The following DDX18 variants were observed in gnomAD, a reference collection of about 807,000 sequenced individuals.
DDX18 encodes the protein ATP-dependent RNA helicase DDX18.
A neutral mutation model predicts 73.5 loss-of-function variants in DDX18; 23 were observed. The observed-to-expected ratio is 0.31, with a 90% CI of 0.23 to 0.44. The LOEUF is 0.44. DDX18 is among the 20% of genes least tolerant of loss of function. DDX18 has a pLI of 1.00. For synonymous variants in DDX18, 268 were observed against 282.7 expected (o/e 0.95, Z 0.52); for missense variants, 753 against 792.9 (o/e 0.95, Z 0.60).
intron 7 of DDX18, chr2:117,822,482 T>A (rs1679862654): frequency 2.3e-6 from 1 of 442,684 alleles, no homozygotes. Context: ...CGTTAAGCAG[T>A]CTTCACATAG....
chr2:117,830,101 A>G (rs756611052), intron 13 of DDX18, among the ~76,000 whole-genome samples: 5 of 152,178 alleles, frequency 3.3e-5, no homozygotes, highest in African/African-American at 1.2e-4. Context: ...TAGAGGACCA[A>G]ATTTTGGGTC....
At position 117,821,206 on chromosome 2, in the gene DDX18, A is replaced by T; in HGVS notation, c.560A>T (p.Asn187Ile). ...TSFASLCNLVNENTLKAIKEM... is the reference protein window; with the variant it reads ...TSFASLCNLVIENTLKAIKEM... ...TTTGCTTCTCTATGTAATCTTGTCA[A>T]TGAAAACACTCTGAAGGCAATAAAA... The change falls in exon 4 of 14, where the codon AAT becomes ATT. Residue 187 changes from asparagine to isoleucine, a missense_variant. By Grantham distance (149) the Asn-to-Ile change is moderately radical (BLOSUM62 -3). Coordinates refer to ENST00000263239, the MANE Select transcript of DDX18 (RefSeq NM_006773.4). 1 of 1,609,328 alleles carries T rather than the reference A, an allele frequency of 6.2e-7. No homozygotes were observed. The highest frequency in any genetic ancestry group is 1.3e-5 in the African/African-American group (1 of 74,916).
At chr2:117,818,933 T>C (rs1450103903) in intron 2 of DDX18, among the ~76,000 whole-genome samples, 1 of 152,216 alleles carries the variant, frequency 6.6e-6, no homozygotes, top group Non-Finnish European at 1.5e-5. Context: ...GTTGACTCTT[T>C]CCTGGAAGGG....
chr2:117,817,825 T>C (rs1193298871), intron 2 of DDX18, 97 bp downstream of exon 2: 1 of 1,250,774 alleles, frequency 8.0e-7, no homozygotes, highest in Non-Finnish European at 1.1e-6. Context: ...GACATGAGAA[T>C]TCCCTGTACT....
At chr2:117,820,995 G>A (rs1654143737) in intron 3 of DDX18, among the ~76,000 whole-genome samples, 166 bp from the exon 4 acceptor site, 1 of 152,100 alleles carries the variant, frequency 6.6e-6, no homozygotes, top group Non-Finnish European at 1.5e-5. Flanking sequence ...GGAGAAACTT[G>A]AAAGATATAG....
At chr2:117,829,525 G>T in intron 13 of DDX18, 59 bp downstream of exon 13, 1 of 1,505,264 alleles carries the variant, frequency 6.6e-7, no homozygotes, top group East Asian at 2.3e-5. Context: ...TGACAGAGGG[G>T]CATTTGGGGC....
intron 7 of DDX18, chr2:117,824,287 G>A (rs2104623807): frequency 4.3e-6 from 1 of 234,006 alleles, no homozygotes; most frequent in East Asian, 8.1e-5. Flanking sequence ...TTACATGAAG[G>A]TTATAACTAA....
intron 1 of DDX18, chr2:117,815,100 C>A: frequency 1.8e-6 from 1 of 556,148 alleles, no homozygotes; most frequent in Non-Finnish European, 3.2e-6. Context: ...AACGTTAGAG[C>A]GGGAGGACTC....
chr2:117,818,283 A>T (rs935535068), intron 2 of DDX18, among the ~76,000 whole-genome samples: 2 of 152,152 alleles, frequency 1.3e-5, no homozygotes, highest in Admixed American at 6.5e-5. Flanking sequence ...GGGTCAGCAA[A>T]CTATCCCTCC....
intron 10 of DDX18, chr2:117,825,926 T>C: frequency 2.5e-6 from 1 of 392,524 alleles, no homozygotes. Context: ...AGAATAAGCT[T>C]CATTGAGAAG....
rs1477163721 is a variant in DDX18, at chr2:117,814,901, G to C, written c.85+39G>C. 6.8e-6 allele frequency: 11 copies of C among 1,609,930 alleles called. No individual in the cohort carries two copies. In the South Asian group the frequency reaches 1.2e-4, roughly 18 times the overall value. ...ACTCGCGGTGGCTCAGAAGACCCAC[G>C]CGCGAGCCCTGGCGCGTTCGGGCGG... is the stretch of plus-strand genomic sequence containing the variant. On this transcript the variant is annotated intron_variant, in intron 1 of 13. Coordinates refer to ENST00000263239, the MANE Select transcript of DDX18 (RefSeq NM_006773.4).
chr2:117,818,490 G>A (rs375321765), intron 2 of DDX18, among the ~76,000 whole-genome samples: 1 of 152,202 alleles, frequency 6.6e-6, no homozygotes, highest in East Asian at 1.9e-4. Context: ...ATTTAGAAAG[G>A]GACTTTGAAC....
intron 1 of DDX18, among the ~76,000 whole-genome samples, chr2:117,817,066 C>G (rs750895708): frequency 2.6e-5 from 4 of 152,134 alleles, no homozygotes; most frequent in Non-Finnish European, 5.9e-5. Context: ...TTGTAAATGT[C>G]TTTTTCAATA....
chr2:117,817,903 T>C (rs1679786184), intron 2 of DDX18, among the ~76,000 whole-genome samples, 175 bp downstream of exon 2: 1 of 152,176 alleles, frequency 6.6e-6, no homozygotes, highest in African/African-American at 2.4e-5. Flanking sequence ...GGGGAGTCCA[T>C]TTCAACTTTT....
chr2:117,821,819 TG>T, intron 5 of DDX18, 42 bp from the exon 6 acceptor site: 1 of 1,612,790 alleles, frequency 6.2e-7, no homozygotes, highest in Non-Finnish European at 8.5e-7. Context: ...ACGGACTCAG[TG>T]GTGACAGCCA....
At position 117,829,457 on chromosome 2, in the gene DDX18, G is replaced by C. The variant is rs372688689; in HGVS notation, c.1861G>C (p.Val621Leu). ...ATTTGGTTTCAAGGTGCCTCCCTTC[G>C]TTGATCTGAGTATCCTTTTCTTTAA... The part of the protein sequence containing the change: ...LSFGFKVPPF[V>L]DLNVNSNEGK... The change falls in exon 13 of 14, where the codon GTT (valine) becomes CTT (leucine). Residue 621 changes from valine (V) to leucine (L), a missense_variant. By Grantham distance (32) the Val-to-Leu change is conservative (BLOSUM62 1). Coordinates refer to ENST00000263239, the MANE Select transcript of DDX18 (RefSeq NM_006773.4). 1.3e-5 allele frequency: 21 copies of C among 1,608,186 alleles called. No homozygotes were observed. The highest frequency in any genetic ancestry group is 3.3e-4 in the Middle Eastern group (2 of 6,042).
In DDX18 at chr2:117,824,153, G is replaced by A. The variant is rs565889939; in HGVS notation, c.1067-416G>A. Among the ~76,000 whole-genome samples, 39 of 152,250 alleles carry A rather than the reference G, an allele frequency of 2.6e-4. No individual in the cohort carries two copies. In the South Asian group the frequency reaches 4.4e-3, roughly 17 times the overall value. ...TTTGTATAGTGTAATGACTGACTTC[G>A]AAGAATGAGTTGACATGTAAGCCCT... On this transcript the variant is annotated intron_variant, in intron 7 of 13. Transcript: ENST00000263239.
At chr2:117,816,407 TTTTTA>T (rs148518934) in intron 1 of DDX18, among the ~76,000 whole-genome samples, 11,130 of 152,184 alleles carry the variant, frequency 0.073, 503 homozygotes, top group Admixed American at 0.11. Flanking sequence ...TTCTATGTGA[TTTTTA>T]TTTTATTTTT....
rs1287940146 is a variant in DDX18 at position 117,824,949 on chromosome 2, G to T, written c.1216G>T (p.Val406Phe). 1.2e-6 allele frequency: 2 copies of T among 1,609,486 alleles called. No homozygotes were observed. The highest frequency in any genetic ancestry group is 2.2e-5 in the East Asian group (1 of 44,852). ...TVDGLEQGYV[V>F]CPSEKRFLLL... is the part of the protein sequence containing the mutation. ...CTTAAACGCTTTCTAGGGATATGTT[G>T]TTTGTCCTTCTGAAAAGAGATTCCT... Residue 406 changes from valine (V) to phenylalanine (F), a missense_variant, in exon 9 of 14, where the codon GTT becomes TTT. By Grantham distance (50) the Val-to-Phe change is conservative. Coordinates refer to ENST00000263239, the MANE Select transcript of DDX18 (RefSeq NM_006773.4).
Sources: gnomAD v4.1 joint callset for allele counts (sites outside exome capture counted in the v4.1 genomes callset) on GRCh38, gnomAD v4.1.1 for gene constraint, MANE v1.5 for transcripts, NCBI Gene and HGNC (gene_info 2026-07-23, HGNC 2026-07-21) for gene names.